ANP32B: variants seen among roughly 807,000 people sequenced by gnomAD.
The protein encoded by ANP32B is acidic nuclear phosphoprotein 32 family member B.
A neutral mutation model predicts 32.2 loss-of-function variants in ANP32B; 6 were observed. That is an observed-to-expected ratio of 0.19 (90% CI 0.10 to 0.37). The LOEUF is 0.37. Ranked by LOEUF, ANP32B falls within the 10% of genes least tolerant of loss-of-function variation. The probability of loss-of-function intolerance (pLI) is 1.00; values close to 1 mark genes in which losing one functional copy is unlikely to be tolerated. For synonymous variants in ANP32B, 98 were observed against 105.8 expected, an observed-to-expected ratio of 0.93 and a Z score of 0.45; for missense variants, 204 against 289.2, an observed-to-expected ratio of 0.71 and a Z score of 2.14.
In ANP32B at chr9:98,014,224, G is replaced by A. The variant is rs566456058; in HGVS notation, c.689-1140G>A. ...AGATCGAGACCATCCTGGCTAACAC[G>A]GTGAAACCCCGTCTCTACTAAAAAT... On this transcript the variant is annotated intron_variant, in intron 6 of 6. Coordinates refer to ENST00000339399, the MANE Select transcript of ANP32B (RefSeq NM_006401.3). 4.6e-5 allele frequency among the ~76,000 whole-genome samples: 7 copies of A among 152,130 alleles called. No individual in the cohort carries two copies. The South Asian group carries it at 1.5e-3, about 32-fold the overall frequency.
chr9:98,014,760 TTTG>T (rs1450476466), intron 6 of ANP32B, among the ~76,000 whole-genome samples: 1 of 152,198 alleles, frequency 6.6e-6, no homozygotes, highest in Non-Finnish European at 1.5e-5. Context: ...GGGGTTTTGT[TTTG>T]TTTTTTTGGA....
At chr9:97,984,021 C>T (rs1256794560) in intron 1 of ANP32B, among the ~76,000 whole-genome samples, 2 of 150,054 alleles carry the variant, frequency 1.3e-5, no homozygotes, top group African/African-American at 4.9e-5. Flanking sequence ...GCCATCCCCG[C>T]CTGGGCCAGG....
intron 4 of ANP32B, among the ~76,000 whole-genome samples, chr9:98,010,187 G>A (rs1266889567): frequency 6.6e-6 from 1 of 151,146 alleles, no homozygotes; most frequent in Non-Finnish European, 1.5e-5. Flanking sequence ...CAGGCACTGC[G>A]GAAAATAGTG....
At chr9:98,012,249 G>A (rs541799416) in intron 5 of ANP32B, among the ~76,000 whole-genome samples, 172 bp from the exon 6 acceptor site, 2 of 152,278 alleles carry the variant, frequency 1.3e-5, no homozygotes, top group South Asian at 4.1e-4. Flanking sequence ...AGCTCGTTAA[G>A]GAAAATCAGT....
chr9:98,015,851 A>G lies in ANP32B; in HGVS notation c.*420A>G. 1 of 961,634 alleles carries G rather than the reference A, an allele frequency of 1.0e-6. No individual in the cohort carries two copies. The highest frequency in any genetic ancestry group is 1.2e-6 in the Non-Finnish European group (1 of 811,450). 59.6% of individuals were successfully genotyped at this position (961,634 alleles called of 1,614,324 possible). On this transcript the variant is annotated 3_prime_UTR_variant, in exon 7 of 7. Coordinates refer to ENST00000339399, the MANE Select transcript of ANP32B (RefSeq NM_006401.3). ...CATGCTTTGCTTTTTAATTATTATTATTATTTTTTTTACATTAGGACATTT... is the reference window on the plus strand; with the variant it reads ...CATGCTTTGCTTTTTAATTATTATTGTTATTTTTTTTACATTAGGACATTT...
At chr9:98,010,695 T>G (rs558578251) in intron 4 of ANP32B, among the ~76,000 whole-genome samples, 1 of 152,200 alleles carries the variant, frequency 6.6e-6, no homozygotes, top group East Asian at 1.9e-4. Flanking sequence ...ACTGCCGCAC[T>G]AGAGGTCCGA....
intron 2 of ANP32B, among the ~76,000 whole-genome samples, chr9:97,997,066 G>A (rs1010663798): frequency 6.6e-6 from 1 of 152,170 alleles, no homozygotes. Flanking sequence ...TACTCCCTAA[G>A]ATACACATGT....
chr9:97,993,199 G>A (rs1002687754), intron 1 of ANP32B, among the ~76,000 whole-genome samples: 2 of 152,140 alleles, frequency 1.3e-5, no homozygotes, highest in African/African-American at 2.4e-5. Flanking sequence ...AGTGAGAAGC[G>A]GTTAGGCACT....
intron 4 of ANP32B, among the ~76,000 whole-genome samples, chr9:98,006,937 G>A (rs1268274724): frequency 6.6e-6 from 1 of 151,938 alleles, no homozygotes; most frequent in African/African-American, 2.4e-5. Flanking sequence ...GCAGTGAGCC[G>A]AGATTGTGCC....
chr9:98,014,389 C>T (rs1280631485), intron 6 of ANP32B, among the ~76,000 whole-genome samples: 4 of 151,026 alleles, frequency 2.6e-5, no homozygotes, highest in African/African-American at 4.9e-5. Context: ...GCCTGGGCGA[C>T]GGAGCCAGAG....
intron 5 of ANP32B, 124 bp from the exon 6 acceptor site, chr9:98,012,297 C>A (rs1828199265): frequency 3.5e-6 from 4 of 1,133,324 alleles, no homozygotes; most frequent in Non-Finnish European, 4.9e-6. Flanking sequence ...AATAACATTA[C>A]AGTTTCCTGC....
At position 97,998,980 on chromosome 9, in the gene ANP32B, T is replaced by C. The variant is rs879801601; in HGVS notation, c.327+302T>C. On this transcript the variant is annotated intron_variant, in intron 3 of 6. Transcript: ENST00000339399. Reference sequence around the variant, plus strand: ...CCGCCACTACGCCCGGCTAATTTTTTGTATTTTTAGTAGAGACGGGGTTTC... The same window carrying C: ...CCGCCACTACGCCCGGCTAATTTTTCGTATTTTTAGTAGAGACGGGGTTTC... Among the ~76,000 whole-genome samples the C allele has an allele frequency of 9.0e-3, 544 of 60,280 alleles. 1 individual carries two copies. The highest frequency in any genetic ancestry group is 0.012 in the Non-Finnish European group (385 of 32,308). The allele number at this position is 60,280 out of a possible 152,430, so 39.5% of individuals were successfully genotyped here.
At chr9:97,991,747 T>G (rs1827828422) in intron 1 of ANP32B, among the ~76,000 whole-genome samples, 2 of 152,168 alleles carry the variant, frequency 1.3e-5, no homozygotes, top group Non-Finnish European at 2.9e-5. Flanking sequence ...GAAAACACAG[T>G]CCTAAATACA....
intron 1 of ANP32B, among the ~76,000 whole-genome samples, chr9:97,994,058 T>C (rs1047431797): frequency 2.0e-5 from 3 of 152,268 alleles, no homozygotes; most frequent in Non-Finnish European, 2.9e-5. Flanking sequence ...TCCAGATTGA[T>C]CTTTGTTTTG....
At chr9:97,985,801 C>T (rs770369495) in intron 1 of ANP32B, among the ~76,000 whole-genome samples, 1 of 152,164 alleles carries the variant, frequency 6.6e-6, no homozygotes, top group Non-Finnish European at 1.5e-5. Flanking sequence ...TGTATATCTA[C>T]AGGTGTTCAT....
chr9:98,005,203 C>T lies in ANP32B; in HGVS notation c.517+50C>T, dbSNP rs191141495. 8,606 of 1,570,398 alleles carry T rather than the reference C, an allele frequency of 5.5e-3. 37 individuals carry two copies. The highest frequency in any genetic ancestry group is 5.7e-3 in the Non-Finnish European group (6,598 of 1,152,114). On this transcript the variant is annotated intron_variant, in intron 4 of 6. Transcript: ENST00000339399. ...ACCTGATGTCTGCCTTTCAAAGCCT[C>T]TGATAAAAGCTATTGGATGTTGGCC...
chr9:97,998,506 T>G (rs1369270957), intron 2 of ANP32B, 50 bp from the exon 3 acceptor site: 1 of 1,546,120 alleles, frequency 6.5e-7, no homozygotes, highest in African/African-American at 1.4e-5. Flanking sequence ...AAATGATTTC[T>G]GTTTCTCTGT....
rs552828515 is a variant in ANP32B, at chr9:98,015,616, A to G, written c.*185A>G. 6.2e-4 allele frequency: 814 copies of G among 1,313,164 alleles called. No individual in the cohort carries two copies. The highest frequency in any genetic ancestry group is 7.5e-4 in the Non-Finnish European group (772 of 1,023,662). The allele number at this position is 1,313,164 out of a possible 1,614,324, so 81.3% of individuals were successfully genotyped here. A position where few individuals can be genotyped will look rare whatever the true frequency, so the allele number is the denominator to read the frequency against. Reference sequence around the variant, plus strand: ...TCCTTCCATGTAGTCCCTCTTGGTAATCTACCACCAAGCTTGTGGACTTCA... The same window carrying G: ...TCCTTCCATGTAGTCCCTCTTGGTAGTCTACCACCAAGCTTGTGGACTTCA... On this transcript the variant is annotated 3_prime_UTR_variant, in exon 7 of 7. Transcript: ENST00000339399.
chr9:97,991,577 C>T (rs985014131), intron 1 of ANP32B, among the ~76,000 whole-genome samples: 1 of 152,102 alleles, frequency 6.6e-6, no homozygotes, highest in Non-Finnish European at 1.5e-5. Context: ...TTTCCGTAAT[C>T]GAGAGGTTAC....
Sources: allele counts gnomAD v4.1 joint callset (sites outside exome capture counted in the v4.1 genomes callset), GRCh38; gene constraint gnomAD v4.1.1; transcripts MANE v1.5; gene names NCBI Gene and HGNC (gene_info 2026-07-23, HGNC 2026-07-21).